The following DTWD2 variants were observed in gnomAD, a reference collection of about 807,000 sequenced individuals.
The protein encoded by DTWD2 is tRNA-uridine aminocarboxypropyltransferase 2.
A neutral mutation model predicts 31.8 loss-of-function variants in DTWD2; 39 were observed. The observed-to-expected ratio is 1.22, with a 90% confidence interval of 0.95 to 1.60. DTWD2 has a LOEUF of 1.60. Ranked by LOEUF, DTWD2 falls within the 40% of genes most tolerant of loss-of-function variation. The probability of loss-of-function intolerance (pLI) is 0.00; values close to 1 mark genes in which losing one functional copy is unlikely to be tolerated. For missense variants in DTWD2, 515 were observed against 381.5 expected, an observed-to-expected ratio of 1.35 and a Z score of -2.92; for synonymous variants, 180 against 142.8, an observed-to-expected ratio of 1.26 and a Z score of -1.86.
intron 4 of DTWD2, among the ~76,000 whole-genome samples, chr5:118,910,337 G>C (rs1185275942): frequency 1.3e-5 from 2 of 152,114 alleles, no homozygotes; most frequent in Non-Finnish European, 2.9e-5. Context: ...CAAATCACTA[G>C]GACACCAACA....
intron 4 of DTWD2, among the ~76,000 whole-genome samples, chr5:118,896,507 A>C (rs1753087650): frequency 6.6e-6 from 1 of 152,162 alleles, no homozygotes; most frequent in Non-Finnish European, 1.5e-5. Context: ...ATAAGAGCCA[A>C]AAAAAGATGT....
At chr5:118,983,418 T>C (rs948619062) in intron 1 of DTWD2, among the ~76,000 whole-genome samples, 1 of 152,166 alleles carries the variant, frequency 6.6e-6, no homozygotes, top group Non-Finnish European at 1.5e-5. Flanking sequence ...TAAAACACAG[T>C]TCAAAGCAAA....
At chr5:118,903,300 CAA>C (rs1259264681) in intron 4 of DTWD2, among the ~76,000 whole-genome samples, 1 of 151,760 alleles carries the variant, frequency 6.6e-6, no homozygotes, top group East Asian at 1.9e-4. Flanking sequence ...TTCATAAGTA[CAA>C]AAAATATAGC....
intron 1 of DTWD2, among the ~76,000 whole-genome samples, chr5:118,986,247 G>C (rs1452403386): frequency 6.6e-6 from 1 of 152,128 alleles, no homozygotes; most frequent in Non-Finnish European, 1.5e-5. Context: ...GGTATTCTAA[G>C]AGGTAAATGG....
At chr5:118,849,425 G>T (rs930302825) in intron 4 of DTWD2, among the ~76,000 whole-genome samples, 1 of 152,182 alleles carries the variant, frequency 6.6e-6, no homozygotes, top group Non-Finnish European at 1.5e-5. Context: ...TACACTGTTG[G>T]TGGGACTGTA....
At chr5:118,884,236 GTA>G (rs991671369) in intron 4 of DTWD2, among the ~76,000 whole-genome samples, 10 of 152,236 alleles carry the variant, frequency 6.6e-5, no homozygotes, top group Non-Finnish European at 1.0e-4. Context: ...AGTTCCTTTT[GTA>G]TGTTTTTCAA....
At chr5:118,938,591 G>A (rs1328054445) in intron 3 of DTWD2, among the ~76,000 whole-genome samples, 2 of 152,106 alleles carry the variant, frequency 1.3e-5, no homozygotes, top group Non-Finnish European at 2.9e-5. Flanking sequence ...GCTCATGCCT[G>A]TAGTCCCAGC....
chr5:118,942,743 G>C (rs1227693742), intron 2 of DTWD2, among the ~76,000 whole-genome samples: 1 of 151,944 alleles, frequency 6.6e-6, no homozygotes, highest in Non-Finnish European at 1.5e-5. Context: ...ATAATGAAAA[G>C]GCACCATACT....
rs182861317 is a variant in DTWD2 at position 118,839,150 on chromosome 5, A to C, written c.*1767T>G. 3.4e-5 allele frequency: 5 copies of C among 149,224 alleles called. No individual in the cohort carries two copies. The highest frequency in any genetic ancestry group is 1.3e-4 in the African/African-American group (5 of 38,652). The allele number at this position is 149,224 out of a possible 1,614,324, so 9.2% of individuals were successfully genotyped here. On this transcript the variant is annotated 3_prime_UTR_variant, in exon 6 of 6. Transcript: ENST00000510708. ...GCACTCCAGCCTGGGCGACAGAGCG[A>C]GATTCCATCTCAAATAATAATAATA...
At position 118,981,081 on chromosome 5, in the gene DTWD2, G is replaced by A. The variant is rs539307809; in HGVS notation, c.218+7213C>T. On this transcript the variant is annotated intron_variant, in intron 1 of 5. Coordinates refer to ENST00000510708, the MANE Select transcript of DTWD2 (RefSeq NM_173666.4). ...GATGGACCTTGAAAACATTATACTCGGTGAAATTAGCCAGACACAGATAGA... is the reference window on the plus strand; with the variant it reads ...GATGGACCTTGAAAACATTATACTCAGTGAAATTAGCCAGACACAGATAGA... Among the ~76,000 whole-genome samples, 16 of 152,088 alleles carry A rather than the reference G, an allele frequency of 1.1e-4. No homozygotes were observed. In the South Asian group the frequency reaches 1.2e-3, roughly 12 times the overall value.
Position 118,941,098 on chromosome 5 carries a change from C to G in DTWD2, c.310-1808G>C, listed in dbSNP as rs114502722. ...CCAAGTCTTCTTTTCCCAAAGCCCC[C>G]TCCTAGAGCCTATCTAAATGGTTAA... On this transcript the variant is annotated intron_variant, in intron 2 of 5. Transcript: ENST00000510708. Among the ~76,000 whole-genome samples the G allele has an allele frequency of 3.0e-3, 455 of 152,244 alleles. 2 individuals are homozygous for G. The highest frequency in any genetic ancestry group is 0.01 in the African/African-American group (434 of 41,544).
chr5:118,855,166 CAA>C (rs577100147), intron 4 of DTWD2, among the ~76,000 whole-genome samples: 3 of 125,480 alleles, frequency 2.4e-5, no homozygotes, highest in Non-Finnish European at 1.7e-5. Context: ...AACTCTGTCT[CAA>C]AAAAAAAAAA....
chr5:118,949,773 G>A (rs989735494), intron 1 of DTWD2, among the ~76,000 whole-genome samples: 1 of 152,138 alleles, frequency 6.6e-6, no homozygotes, highest in Non-Finnish European at 1.5e-5. Context: ...ATGTGAAGGA[G>A]GCTTTGAACT....
At chr5:118,905,284 C>T (rs961898128) in intron 4 of DTWD2, among the ~76,000 whole-genome samples, 1 of 151,976 alleles carries the variant, frequency 6.6e-6, no homozygotes, top group Admixed American at 6.6e-5. Flanking sequence ...GCTTTAAGAA[C>T]ACAGGCCCTC....
intron 5 of DTWD2, among the ~76,000 whole-genome samples, chr5:118,841,403 A>T (rs2112665363): frequency 6.6e-6 from 1 of 152,362 alleles, no homozygotes; most frequent in South Asian, 2.1e-4. Context: ...TTATAATTGA[A>T]TCCATAACAA....
intron 4 of DTWD2, among the ~76,000 whole-genome samples, chr5:118,860,407 T>G (rs1752234871): frequency 6.6e-6 from 1 of 151,872 alleles, no homozygotes; most frequent in South Asian, 2.1e-4. Flanking sequence ...GTATAATACT[T>G]GATTGTATAG....
intron 1 of DTWD2, among the ~76,000 whole-genome samples, chr5:118,947,683 G>A (rs982156219): frequency 1.3e-5 from 2 of 152,102 alleles, no homozygotes; most frequent in African/African-American, 4.8e-5. Context: ...CTCACTTTGG[G>A]GCATAGTTCC....
At chr5:118,965,052 G>A (rs1218180679) in intron 1 of DTWD2, among the ~76,000 whole-genome samples, 7 of 147,880 alleles carry the variant, frequency 4.7e-5, no homozygotes, top group Non-Finnish European at 7.4e-5. Flanking sequence ...CTGCCCCGCC[G>A]CCCCGTCTGG....
In DTWD2 at chr5:118,870,933, T is replaced by A. The variant is rs1458499738; in HGVS notation, c.598-22715A>T. 2.7e-5 allele frequency among the ~76,000 whole-genome samples: 4 copies of A among 148,002 alleles called. No homozygotes were observed. In the Admixed American group the frequency reaches 2.8e-4, roughly 10 times the overall value. On this transcript the variant is annotated intron_variant, in intron 4 of 5. Transcript: ENST00000510708. ...AATATTCTAAATCTTATATAATAAC[T>A]TATATAATATATAATGTACATATAA... is the stretch of plus-strand genomic sequence containing the variant.
Sources: allele counts gnomAD v4.1 joint callset (sites outside exome capture counted in the v4.1 genomes callset), GRCh38; gene constraint gnomAD v4.1.1; transcripts MANE v1.5; gene names NCBI Gene and HGNC (gene_info 2026-07-23, HGNC 2026-07-21).